RARB: variants seen among roughly 807,000 people sequenced by gnomAD.
The protein encoded by RARB is HBV-activated protein.
RARB carries 17 observed loss-of-function variants against 51.9 expected under a neutral mutation model. That is an observed-to-expected ratio of 0.33 (90% CI 0.22 to 0.49). The LOEUF (loss-of-function observed/expected upper bound fraction) is 0.49. RARB is among the 20% of genes least tolerant of loss of function. RARB has a pLI of 0.99. For synonymous variants in RARB, 215 were observed against 195.4 expected, an observed-to-expected ratio of 1.10 and a Z score of -0.84; for missense variants, 369 against 550.8, an observed-to-expected ratio of 0.67 and a Z score of 3.30.
intron 5 of RARB, among the ~76,000 whole-genome samples, chr3:25,321,055 TC>T (rs1704555949): frequency 6.6e-6 from 1 of 152,226 alleles, no homozygotes; most frequent in African/African-American, 2.4e-5. Context: ...GCACTTTTTT[TC>T]CAAGTGGTAT....
At chr3:24,956,966 G>A (rs1035584655) in intron 2 of RARB, among the ~76,000 whole-genome samples, 5 of 152,276 alleles carry the variant, frequency 3.3e-5, no homozygotes, top group African/African-American at 1.2e-4. Context: ...TTACGGAGTC[G>A]AGATGCTATT....
chr3:24,962,031 G>A (rs1001407451), intron 2 of RARB, among the ~76,000 whole-genome samples: 1 of 139,634 alleles, frequency 7.2e-6, no homozygotes, highest in Admixed American at 8.1e-5. Flanking sequence ...CCAGGTTCAT[G>A]CCATTCTCCT....
chr3:25,362,883 C>T (rs1482060196), intron 5 of RARB, among the ~76,000 whole-genome samples: 1 of 152,182 alleles, frequency 6.6e-6, no homozygotes, highest in Non-Finnish European at 1.5e-5. Context: ...GCGTTGGCCT[C>T]TCTGGGAGCT....
chr3:24,959,073 G>A (rs1437240346), intron 2 of RARB, among the ~76,000 whole-genome samples: 1 of 152,200 alleles, frequency 6.6e-6, no homozygotes, highest in Non-Finnish European at 1.5e-5. Context: ...TGAAGCCCCA[G>A]AGGGCATGCG....
chr3:25,192,907 G>T (rs1406081335), intron 5 of RARB, among the ~76,000 whole-genome samples: 1 of 151,954 alleles, frequency 6.6e-6, no homozygotes, highest in Non-Finnish European at 1.5e-5. Context: ...ACTCTTCTAG[G>T]CTCTTAGAAT....
In RARB at chr3:24,963,482, C is replaced by T. The variant is rs531225126; in HGVS notation, c.-379-96643C>T. Among the ~76,000 whole-genome samples, 40 of 148,672 alleles carry T rather than the reference C, an allele frequency of 2.7e-4. No homozygotes were observed. The South Asian group carries it at 4.2e-3, about 16-fold the overall frequency. On this transcript the variant is annotated intron_variant, in intron 2 of 11. Transcript: ENST00000383772. ...CTCATGCTTGCTTTGGTCTTACTCT[C>T]GCCTCCCCTGAAAAAGAGATTATTT...
chr3:25,486,763 T>C (rs1281221839), intron 2 of RARB, among the ~76,000 whole-genome samples: 2 of 152,190 alleles, frequency 1.3e-5, no homozygotes, highest in African/African-American at 4.8e-5. Context: ...AGCACATATA[T>C]GCATTTCCTG....
At chr3:25,120,904 G>A (rs1324839642) in intron 3 of RARB, among the ~76,000 whole-genome samples, 1 of 152,108 alleles carries the variant, frequency 6.6e-6, no homozygotes, top group Non-Finnish European at 1.5e-5. Context: ...CTTTCCCATG[G>A]CAGAGTCAGA....
At position 24,996,812 on chromosome 3, in the gene RARB, T is replaced by C. The variant is rs188954179; in HGVS notation, c.-379-63313T>C. Reference sequence around the variant, plus strand: ...CTAGTTTTATCCCATTGTGGTCAGATAAGATACTGGATGTTATTTTGGTTT... The same window carrying C: ...CTAGTTTTATCCCATTGTGGTCAGACAAGATACTGGATGTTATTTTGGTTT... On this transcript the variant is annotated intron_variant, in intron 2 of 11. Coordinates refer to the RARB transcript ENST00000383772. Among the ~76,000 whole-genome samples, 269 of 152,194 alleles carry C rather than the reference T, an allele frequency of 1.8e-3. 1 individual carries two copies. Among genetic ancestry groups the C allele is most frequent in the African/African-American group, 6.3e-3 (262 of 41,534 alleles).
chr3:25,246,390 G>A (rs1483671076), intron 5 of RARB, among the ~76,000 whole-genome samples: 1 of 152,092 alleles, frequency 6.6e-6, no homozygotes, highest in Non-Finnish European at 1.5e-5. Flanking sequence ...TCCTTTGGAG[G>A]AGAAGAGGTA....
chr3:24,878,358 T>G (rs1426832939), intron 2 of RARB, among the ~76,000 whole-genome samples: 1 of 149,556 alleles, frequency 6.7e-6, no homozygotes, highest in Non-Finnish European at 1.5e-5. Flanking sequence ...GTTTCCAAGT[T>G]GTGATTTTTT....
intron 5 of RARB, among the ~76,000 whole-genome samples, chr3:25,326,048 G>T (rs1198122861): frequency 6.6e-6 from 1 of 152,166 alleles, no homozygotes; most frequent in Non-Finnish European, 1.5e-5. Context: ...AGGAAGGCTG[G>T]TCATGAGAAT....
Position 25,302,244 on chromosome 3 carries a change from T to C in RARB, c.178+127669T>C, listed in dbSNP as rs372820186. 3.3e-5 allele frequency among the ~76,000 whole-genome samples: 5 copies of C among 152,156 alleles called. No individual in the cohort carries two copies. In the East Asian group the frequency reaches 5.8e-4, roughly 18 times the overall value. ...CATTTCTCAAAAGGTTAAACAAAGA[T>C]TAAGCATATAAACTAGCAAGTCCAC... On this transcript the variant is annotated intron_variant, in intron 5 of 11. Transcript: ENST00000383772.
At chr3:25,485,612 A>G (rs899017373) in intron 2 of RARB, among the ~76,000 whole-genome samples, 3 of 152,140 alleles carry the variant, frequency 2.0e-5, no homozygotes, top group African/African-American at 7.2e-5. Flanking sequence ...AATTATATTC[A>G]TTACACGGCC....
chr3:25,523,872 A>AT (rs1178098037), intron 3 of RARB, among the ~76,000 whole-genome samples: 2 of 152,274 alleles, frequency 1.3e-5, no homozygotes, highest in African/African-American at 4.8e-5. Flanking sequence ...ACATTGCATT[A>AT]TTTTTTTAAA....
intron 2 of RARB, among the ~76,000 whole-genome samples, chr3:24,904,560 G>A (rs1479780976): frequency 6.6e-6 from 1 of 152,154 alleles, no homozygotes; most frequent in Non-Finnish European, 1.5e-5. Context: ...TTACACTGTT[G>A]GTGGAAGTGT....
intron 2 of RARB, among the ~76,000 whole-genome samples, chr3:25,013,238 T>C (rs1397962371): frequency 6.6e-6 from 1 of 152,118 alleles, no homozygotes; most frequent in Non-Finnish European, 1.5e-5. Context: ...TGAAGACCAG[T>C]GTTTAGCTTT....
chr3:25,459,882 C>T (rs747124703), intron 1 of RARB, among the ~76,000 whole-genome samples: 10 of 152,122 alleles, frequency 6.6e-5, no homozygotes, highest in Non-Finnish European at 1.3e-4. Flanking sequence ...TTCTCCTTCC[C>T]GATTTCCATC....
intron 2 of RARB, among the ~76,000 whole-genome samples, chr3:24,977,789 T>A (rs1373539954): frequency 2.0e-5 from 3 of 152,194 alleles, no homozygotes; most frequent in Non-Finnish European, 4.4e-5. Flanking sequence ...TCCAACATTA[T>A]GTTGAATAGG....
Sources: allele counts gnomAD v4.1 joint callset (sites outside exome capture counted in the v4.1 genomes callset), GRCh38; gene constraint gnomAD v4.1.1; transcripts MANE v1.5; gene names NCBI Gene and HGNC (gene_info 2026-07-23, HGNC 2026-07-21).